The following TMEM132C variants were observed in gnomAD, a reference collection of about 807,000 sequenced individuals.
TMEM132C encodes the protein protein phosphatase 1, regulatory subunit 152.
A neutral mutation model predicts 61.4 loss-of-function variants in TMEM132C; 29 were observed. That is an observed-to-expected ratio of 0.47 (90% confidence interval 0.35 to 0.64). The LOEUF (loss-of-function observed/expected upper bound fraction) is 0.64. Ranked by LOEUF, TMEM132C falls within the 30% of genes least tolerant of loss-of-function variation. The pLI, the probability that TMEM132C is intolerant of heterozygous loss-of-function variation, is 0.00. For synonymous variants in TMEM132C, 656 were observed against 633.1 expected, an observed-to-expected ratio of 1.04 and a Z score of -0.54; for missense variants, 1,408 against 1,476.9, an observed-to-expected ratio of 0.95 and a Z score of 0.76.
chr12:128,695,978 C>T lies in TMEM132C; in HGVS notation c.1804C>T (p.Pro602Ser), dbSNP rs1040419235. 6.4e-7 allele frequency: 1 copy of T among 1,551,806 alleles called. No homozygotes were observed. Among genetic ancestry groups the T allele is most frequent in the Non-Finnish European group, 8.7e-7 (1 of 1,147,022 alleles). The change falls in exon 7 of 9, where the codon CCT becomes TCT. Residue 602 changes from proline (P) to serine (S), a missense_variant. Transcript: ENST00000435159. ...PWGQPNYLLS[P>S]NWQFDITHLV... ...GGGCCAGCCGAACTACCTGCTTAGT[C>T]CTAACTGGCAGTTCGACATCACTCA...
chr12:128,395,117 CTTG>C (rs2053830377), intron 1 of TMEM132C, among the ~76,000 whole-genome samples: 1 of 151,108 alleles, frequency 6.6e-6, no homozygotes, highest in Admixed American at 6.6e-5. Context: ...GTTTCAGTTT[CTTG>C]TTATTGTAAC....
At chr12:128,496,478 T>C (rs1443516858) in intron 2 of TMEM132C, among the ~76,000 whole-genome samples, 3 of 152,288 alleles carry the variant, frequency 2.0e-5, no homozygotes, top group East Asian at 3.9e-4. Context: ...ACCAATCAGA[T>C]GTAGATTTGG....
intron 5 of TMEM132C, among the ~76,000 whole-genome samples, chr12:128,672,795 T>A (rs903901265): frequency 6.6e-6 from 1 of 152,196 alleles, no homozygotes. Flanking sequence ...TGACATTTAA[T>A]CAGTGCCTAG....
intron 3 of TMEM132C, among the ~76,000 whole-genome samples, chr12:128,556,958 A>G (rs573128166): frequency 2.0e-5 from 3 of 152,174 alleles, no homozygotes. Context: ...GTTTTATACC[A>G]CTACGTTTTG....
intron 1 of TMEM132C, among the ~76,000 whole-genome samples, chr12:128,315,044 A>C (rs1872105421): frequency 6.6e-6 from 1 of 152,256 alleles, no homozygotes; most frequent in Non-Finnish European, 1.5e-5. Context: ...TATGTTACCC[A>C]GAGGCAGGTT....
At chr12:128,324,625 C>T (rs901806455) in intron 1 of TMEM132C, among the ~76,000 whole-genome samples, 1 of 152,048 alleles carries the variant, frequency 6.6e-6, no homozygotes, top group African/African-American at 2.4e-5. Context: ...CTTGGGAGGC[C>T]GAGGCGGGAC....
chr12:128,692,866 T>C (rs1954730186), intron 5 of TMEM132C, among the ~76,000 whole-genome samples: 1 of 152,216 alleles, frequency 6.6e-6, no homozygotes, highest in Admixed American at 6.5e-5. Flanking sequence ...GTCTGTGTGT[T>C]TATTTTTCTT....
intron 2 of TMEM132C, among the ~76,000 whole-genome samples, chr12:128,528,219 A>G (rs1252690600): frequency 6.6e-6 from 1 of 152,170 alleles, no homozygotes; most frequent in East Asian, 1.9e-4. Flanking sequence ...CCAGACTCAG[A>G]TCACTAGGGG....
intron 1 of TMEM132C, among the ~76,000 whole-genome samples, chr12:128,359,326 G>C (rs1301143773): frequency 6.6e-6 from 1 of 152,190 alleles, no homozygotes; most frequent in Non-Finnish European, 1.5e-5. Context: ...AGACAAGAGA[G>C]AGCATGTGCA....
intron 4 of TMEM132C, among the ~76,000 whole-genome samples, chr12:128,659,893 A>G (rs1403073787): frequency 1.3e-5 from 2 of 152,182 alleles, no homozygotes; most frequent in Admixed American, 6.5e-5. Context: ...CTTGTTTTCT[A>G]GAGGGTTGTC....
intron 2 of TMEM132C, among the ~76,000 whole-genome samples, chr12:128,486,192 T>G (rs555991172): frequency 6.6e-6 from 1 of 152,256 alleles, no homozygotes; most frequent in South Asian, 2.1e-4. Context: ...CACATTGGGT[T>G]GTTGCATTTT....
chr12:128,670,824 A>G (rs1023580741), intron 5 of TMEM132C, among the ~76,000 whole-genome samples: 5 of 152,148 alleles, frequency 3.3e-5, no homozygotes, highest in African/African-American at 1.2e-4. Flanking sequence ...CTTTCCCAGC[A>G]AGGAAATTGC....
chr12:128,270,558 C>T (rs966927814), intron 1 of TMEM132C, among the ~76,000 whole-genome samples: 5 of 152,272 alleles, frequency 3.3e-5, no homozygotes, highest in Admixed American at 2.6e-4. Context: ...AAGGGATTTA[C>T]GTTCTATAGC....
chr12:128,470,915 A>G (rs968781054), intron 2 of TMEM132C, among the ~76,000 whole-genome samples: 2 of 152,192 alleles, frequency 1.3e-5, no homozygotes, highest in African/African-American at 4.8e-5. Flanking sequence ...CCCATGCATT[A>G]TAATCTGCCT....
chr12:128,675,860 G>GATAA (rs1954579919), intron 5 of TMEM132C, among the ~76,000 whole-genome samples: 2 of 142,294 alleles, frequency 1.4e-5, no homozygotes, highest in African/African-American at 2.9e-5. Flanking sequence ...TAGATAGATA[G>GATAA]ATAGATAGAT....
intron 2 of TMEM132C, among the ~76,000 whole-genome samples, chr12:128,418,487 C>G (rs1218310079): frequency 6.6e-6 from 1 of 152,236 alleles, no homozygotes; most frequent in East Asian, 1.9e-4. Flanking sequence ...TTCTCTCCCC[C>G]TCTGTCCAAT....
At chr12:128,521,529 C>G (rs1565961252) in intron 2 of TMEM132C, among the ~76,000 whole-genome samples, 2 of 142,124 alleles carry the variant, frequency 1.4e-5, no homozygotes, top group African/African-American at 2.6e-5. Flanking sequence ...GTCTTTGTTA[C>G]AGTAGATTAC....
At chr12:128,642,522 C>T (rs904301408) in intron 4 of TMEM132C, among the ~76,000 whole-genome samples, 1 of 152,120 alleles carries the variant, frequency 6.6e-6, no homozygotes, top group Non-Finnish European at 1.5e-5. Context: ...GTCTTGATAT[C>T]CTTCTGGTGG....
At chr12:128,366,544 A>G (rs991075491) in intron 1 of TMEM132C, among the ~76,000 whole-genome samples, 1 of 152,170 alleles carries the variant, frequency 6.6e-6, no homozygotes, top group African/African-American at 2.4e-5. Context: ...CTCAGGAAAC[A>G]GGGCATGGAA....
Sources: gnomAD v4.1 joint callset for allele counts (sites outside exome capture counted in the v4.1 genomes callset) on GRCh38, gnomAD v4.1.1 for gene constraint, MANE v1.5 for transcripts, NCBI Gene and HGNC (gene_info 2026-07-23, HGNC 2026-07-21) for gene names.